AP3S2: variants seen among roughly 807,000 people sequenced by gnomAD.
The protein encoded by AP3S2 is adaptor related protein complex 3 subunit sigma 2.
A neutral mutation model predicts 23.4 loss-of-function variants in AP3S2; 22 were observed. That is an observed-to-expected ratio of 0.94 (90% CI 0.67 to 1.34). The LOEUF is 1.34. Ranked by LOEUF, AP3S2 falls within the 40% of genes most tolerant of loss-of-function variation. The pLI, the probability that AP3S2 is intolerant of heterozygous loss-of-function variation, is 0.00. For synonymous variants in AP3S2, 86 were observed against 87.1 expected (o/e 0.99, Z 0.07); for missense variants, 241 against 236.9 (o/e 1.02, Z -0.11).
intron 4 of AP3S2, among the ~76,000 whole-genome samples, chr15:89,846,132 A>G (rs984506127): frequency 1.3e-5 from 2 of 152,220 alleles, no homozygotes; most frequent in Admixed American, 1.3e-4. Flanking sequence ...AGGCATAGAT[A>G]CTGATGTTTT....
intron 4 of AP3S2, among the ~76,000 whole-genome samples, chr15:89,870,137 A>C (rs1374429198): frequency 6.6e-6 from 1 of 152,212 alleles, no homozygotes; most frequent in Non-Finnish European, 1.5e-5. Flanking sequence ...AATACTTGAA[A>C]GGGACTCTAG....
At chr15:89,850,483 CAT>C (rs1361262439) in intron 4 of AP3S2, among the ~76,000 whole-genome samples, 1 of 152,206 alleles carries the variant, frequency 6.6e-6, no homozygotes, top group Non-Finnish European at 1.5e-5. Flanking sequence ...AGCACAGGCA[CAT>C]GAGAGCAGAG....
chr15:89,883,157 T>A (rs2141896004), intron 3 of AP3S2, among the ~76,000 whole-genome samples: 1 of 152,324 alleles, frequency 6.6e-6, no homozygotes, highest in East Asian at 1.9e-4. Context: ...AATTATGAAT[T>A]TTCTAGCTGT....
chr15:89,865,983 C>T lies in AP3S2; in HGVS notation c.345+5492G>A, dbSNP rs1040607326. The stretch of plus-strand genomic sequence containing the variant: ...TTTCAAAGTCACCTTGGAGGCTGGG[C>T]GCGGTGGCTCACTCACGCCTGTAAT... On this transcript the variant is annotated intron_variant, in intron 4 of 5. Transcript: ENST00000336418. Among the ~76,000 whole-genome samples the T allele has an allele frequency of 1.3e-4, 20 of 152,166 alleles. No individual in the cohort carries two copies. The East Asian group carries it at 1.9e-3, about 15-fold the overall frequency.
At chr15:89,878,909 A>G (rs986397958) in intron 3 of AP3S2, among the ~76,000 whole-genome samples, 4 of 152,126 alleles carry the variant, frequency 2.6e-5, no homozygotes, top group African/African-American at 9.7e-5. Context: ...ACAATGGCCC[A>G]GCTAATTTTT....
chr15:89,858,489 AAGAAAGAGAGAGAGAG>A (rs58079777), intron 4 of AP3S2, among the ~76,000 whole-genome samples: 3 of 41,786 alleles, frequency 7.2e-5, no homozygotes, highest in African/African-American at 1.3e-4. Context: ...GAAAGAAAGA[AAGAAAGAGAGAGAGAG>A]AGAGAGAGAG....
At position 89,889,116 on chromosome 15, in the gene AP3S2, C is replaced by A; in HGVS notation, c.94G>T (p.Val32Phe). The A allele has an allele frequency of 6.2e-7, 1 of 1,614,178 alleles. No individual in the cohort carries two copies. The highest frequency in any genetic ancestry group is 8.5e-7 in the Non-Finnish European group (1 of 1,180,028). Reference protein sequence around the residue: ...RFPEEIQQQIVRETFHLVLKR... With the variant: ...RFPEEIQQQIFRETFHLVLKR... ...AGGACTAGATGGAAAGTCTCTCGAA[C>A]AATCTGCTGTTGAATTTCTTCTGGC... The change falls in exon 2 of 6, where the codon GTT becomes TTT. Residue 32 changes from valine (V) to phenylalanine (F), a missense_variant. Val to Phe is a conservative substitution (Grantham distance 50). Transcript: ENST00000336418.
At chr15:89,854,548 C>A (rs1429915952) in intron 4 of AP3S2, among the ~76,000 whole-genome samples, 1 of 89,056 alleles carries the variant, frequency 1.1e-5, no homozygotes, top group African/African-American at 4.2e-5. Context: ...GCCCGGCCAG[C>A]CGCCCCGTCC....
intron 5 of AP3S2, among the ~76,000 whole-genome samples, chr15:89,836,826 T>C (rs921019981): frequency 6.6e-6 from 1 of 152,222 alleles, no homozygotes; most frequent in Non-Finnish European, 1.5e-5. Context: ...AGCTGTGGTC[T>C]GGAAAAGCTT....
At position 89,835,176 on chromosome 15, in the gene AP3S2, TGCAGTCCC is replaced by T. The variant is rs1895159070; in HGVS notation, c.*331_*338del. ...CTGGGAAGCAGGTGGGCCTGCTCAA[TGCAGTCCC>T]TAACCCTTGGGAGCATCCATGTGAG... is the stretch of plus-strand genomic sequence containing the variant. On this transcript the variant is annotated 3_prime_UTR_variant, in exon 6 of 6. Transcript: ENST00000336418. 2.6e-6 allele frequency: 1 copy of T among 377,868 alleles called. No homozygotes were observed. The highest frequency in any genetic ancestry group is 7.1e-5 in the South Asian group (1 of 14,056). 23.4% of individuals were successfully genotyped at this position (377,868 alleles called of 1,614,324 possible). A position where few individuals can be genotyped will look rare whatever the true frequency, so the allele number is the denominator to read the frequency against.
intron 3 of AP3S2, among the ~76,000 whole-genome samples, chr15:89,888,214 C>T (rs1896742685): frequency 6.6e-6 from 1 of 152,160 alleles, no homozygotes; most frequent in South Asian, 2.1e-4. Context: ...AAGCTAGGGT[C>T]CCTACACATC....
chr15:89,844,064 A>G (rs1895402264), intron 4 of AP3S2, among the ~76,000 whole-genome samples: 1 of 152,186 alleles, frequency 6.6e-6, no homozygotes, highest in Non-Finnish European at 1.5e-5. Flanking sequence ...AGCATTTAAA[A>G]CTAAAGTAAT....
intron 4 of AP3S2, among the ~76,000 whole-genome samples, chr15:89,867,986 G>A (rs1484036581): frequency 2.9e-4 from 42 of 145,810 alleles, no homozygotes; most frequent in African/African-American, 1.1e-3. Flanking sequence ...CGGGAGGGAG[G>A]TGGGGGGGTC....
chr15:89,886,826 A>G (rs1359522524), intron 3 of AP3S2, among the ~76,000 whole-genome samples: 1 of 151,906 alleles, frequency 6.6e-6, no homozygotes, highest in Non-Finnish European at 1.5e-5. Flanking sequence ...ACAGGGTCTC[A>G]CTCTGTTGCC....
rs146890354 is a variant in AP3S2 at position 89,833,512 on chromosome 15, G to T, written c.*2003C>A. On this transcript the variant is annotated 3_prime_UTR_variant, in exon 6 of 6. Transcript: ENST00000336418. ...CAAAATGGGGATAAGAATGCCTGTTGTAAGGACAGTTGAATGATCTTGCTC... is the reference window on the plus strand; with the variant it reads ...CAAAATGGGGATAAGAATGCCTGTTTTAAGGACAGTTGAATGATCTTGCTC... 2 of 152,324 alleles carry T rather than the reference G, an allele frequency of 1.3e-5. No individual in the cohort carries two copies. The highest frequency in any genetic ancestry group is 4.8e-5 in the African/African-American group (2 of 41,572). 9.4% of individuals were successfully genotyped at this position (152,324 alleles called of 1,614,324 possible).
intron 4 of AP3S2, among the ~76,000 whole-genome samples, chr15:89,846,600 C>G (rs1295049749): frequency 6.6e-6 from 1 of 152,034 alleles, no homozygotes; most frequent in Admixed American, 6.6e-5. Context: ...GATCTCGGCT[C>G]ACTGCAACAT....
At chr15:89,869,172 G>A (rs989952975) in intron 4 of AP3S2, among the ~76,000 whole-genome samples, 8 of 149,538 alleles carry the variant, frequency 5.3e-5, no homozygotes, top group African/African-American at 2.0e-4. Context: ...GATGGTTGCC[G>A]TGTCTGTGTA....
At chr15:89,854,170 G>A (rs1321538244) in intron 4 of AP3S2, among the ~76,000 whole-genome samples, 1 of 30,986 alleles carries the variant, frequency 3.2e-5, no homozygotes, top group Non-Finnish European at 6.6e-5. Flanking sequence ...AGGGAGGTGG[G>A]GGGGTCAGCC....
chr15:89,870,958 G>C (rs964175150), intron 4 of AP3S2, among the ~76,000 whole-genome samples: 1 of 152,176 alleles, frequency 6.6e-6, no homozygotes, highest in Non-Finnish European at 1.5e-5. Context: ...CCTACTTGGG[G>C]CCATTTTAAT....
Sources: allele counts gnomAD v4.1 joint callset (sites outside exome capture counted in the v4.1 genomes callset), GRCh38; gene constraint gnomAD v4.1.1; transcripts MANE v1.5; gene names NCBI Gene and HGNC (gene_info 2026-07-23, HGNC 2026-07-21).